The following EEFSEC variants were observed in gnomAD, a reference collection of about 807,000 sequenced individuals.
EEFSEC encodes eukaryotic elongation factor, selenocysteine-tRNA specific.
A neutral mutation model predicts 42.1 loss-of-function variants in EEFSEC; 43 were observed. That is an observed-to-expected ratio of 1.02 (90% CI 0.80 to 1.32). EEFSEC has a LOEUF of 1.32. Ranked by LOEUF, EEFSEC falls within the 40% of genes most tolerant of loss-of-function variation. The probability of loss-of-function intolerance (pLI) is 0.00; values close to 1 mark genes in which losing one functional copy is unlikely to be tolerated. For missense variants in EEFSEC, 745 were observed against 803.6 expected (o/e 0.93, Z 0.88); for synonymous variants, 354 against 339.1 (o/e 1.04, Z -0.48).
At chr3:128,382,038 GCCA>G (rs1336625396) in intron 6 of EEFSEC, among the ~76,000 whole-genome samples, 1 of 152,162 alleles carries the variant, frequency 6.6e-6, no homozygotes, top group African/African-American at 2.4e-5. Context: ...GTTCTGTGAA[GCCA>G]CTTCCCAGGT....
chr3:128,196,433 C>G (rs1382688684), intron 1 of EEFSEC, among the ~76,000 whole-genome samples: 1 of 152,108 alleles, frequency 6.6e-6, no homozygotes, highest in Non-Finnish European at 1.5e-5. Context: ...AATACAAAGT[C>G]ACTTTTTTCT....
intron 4 of EEFSEC, among the ~76,000 whole-genome samples, chr3:128,314,747 AC>A (rs1289521876): frequency 2.6e-5 from 4 of 151,938 alleles, no homozygotes; most frequent in Non-Finnish European, 5.9e-5. Flanking sequence ...TATCTATAAC[AC>A]CCCCACCCAC....
chr3:128,283,831 C>T (rs2066554997), intron 4 of EEFSEC, among the ~76,000 whole-genome samples: 1 of 152,210 alleles, frequency 6.6e-6, no homozygotes, highest in East Asian at 1.9e-4. Context: ...CCAACAAAGG[C>T]ATCCACACTG....
intron 1 of EEFSEC, among the ~76,000 whole-genome samples, chr3:128,219,304 T>G (rs529087252): frequency 2.6e-5 from 4 of 152,320 alleles, no homozygotes; most frequent in Non-Finnish European, 5.9e-5. Context: ...GAAACATCCA[T>G]CAGGGTTATA....
chr3:128,173,405 A>G (rs2065318315), intron 1 of EEFSEC, among the ~76,000 whole-genome samples: 1 of 152,192 alleles, frequency 6.6e-6, no homozygotes, highest in Non-Finnish European at 1.5e-5. Flanking sequence ...AATGCCTTGT[A>G]TACTCTGGGT....
chr3:128,351,987 C>G (rs1197569097), intron 5 of EEFSEC, among the ~76,000 whole-genome samples: 3 of 152,234 alleles, frequency 2.0e-5, no homozygotes, highest in Non-Finnish European at 4.4e-5. Context: ...TGATTGATTT[C>G]AAAATGAAAA....
chr3:128,278,093 C>G (rs2066487398), intron 4 of EEFSEC, among the ~76,000 whole-genome samples: 1 of 152,162 alleles, frequency 6.6e-6, no homozygotes, highest in Non-Finnish European at 1.5e-5. Context: ...TATGACGCAG[C>G]TGGTTTTGCA....
At chr3:128,218,780 A>C (rs1243792403) in intron 1 of EEFSEC, among the ~76,000 whole-genome samples, 1 of 152,046 alleles carries the variant, frequency 6.6e-6, no homozygotes, top group Non-Finnish European at 1.5e-5. Flanking sequence ...ACCATTTGCA[A>C]CTCTTAGCTT....
chr3:128,229,999 A>AT (rs1283325954), intron 1 of EEFSEC, among the ~76,000 whole-genome samples: 2 of 140,482 alleles, frequency 1.4e-5, no homozygotes, highest in African/African-American at 5.3e-5. Flanking sequence ...TCTTTCTTTT[A>AT]TTTTTTCTTT....
chr3:128,368,435 C>CA (rs1428054422), intron 6 of EEFSEC, among the ~76,000 whole-genome samples: 7 of 129,214 alleles, frequency 5.4e-5, no homozygotes, highest in African/African-American at 8.1e-5. Flanking sequence ...ACTCCATCTC[C>CA]AAAAAAAACA....
chr3:128,212,604 T>A (rs1304351184), intron 1 of EEFSEC, among the ~76,000 whole-genome samples: 1 of 152,224 alleles, frequency 6.6e-6, no homozygotes, highest in Non-Finnish European at 1.5e-5. Context: ...AGAACATTTG[T>A]TAAAAGCCCT....
In EEFSEC at chr3:128,317,348, G is replaced by A. The variant is rs958315178; in HGVS notation, c.787-23885G>A. Among the ~76,000 whole-genome samples the A allele has an allele frequency of 1.3e-5, 2 of 152,150 alleles. No homozygotes were observed. Among genetic ancestry groups the A allele is most frequent in the Non-Finnish European group, 2.9e-5 (2 of 68,014 alleles). On this transcript the variant is annotated intron_variant, in intron 4 of 6. Coordinates refer to ENST00000254730, the MANE Select transcript of EEFSEC (RefSeq NM_021937.5). The surrounding 1 kb of genome is among the most constrained non-coding windows in gnomAD (Gnocchi z 4.1). ...GACTTGTAAGCCTGGCCTGTTCTCCGCCCCGCTGCTGGAGCTCAGACGCTC... is the reference window on the plus strand; with the variant it reads ...GACTTGTAAGCCTGGCCTGTTCTCCACCCCGCTGCTGGAGCTCAGACGCTC...
intron 6 of EEFSEC, chr3:128,367,650 G>A: frequency 1.0e-6 from 1 of 985,416 alleles, no homozygotes; most frequent in Non-Finnish European, 1.2e-6. Context: ...TGCCGATTAT[G>A]GACTTATGTC....
intron 6 of EEFSEC, among the ~76,000 whole-genome samples, chr3:128,386,482 G>A (rs897435378): frequency 6.6e-5 from 10 of 151,296 alleles, no homozygotes; most frequent in African/African-American, 2.4e-4. Context: ...ACAGGCAGTG[G>A]GGGGGGGATG....
At chr3:128,311,515 C>T (rs532670599) in intron 4 of EEFSEC, among the ~76,000 whole-genome samples, 56 of 152,366 alleles carry the variant, frequency 3.7e-4, no homozygotes, top group Non-Finnish European at 6.6e-4. Flanking sequence ...CTTCAGGGCA[C>T]AGCTCCAAAC....
intron 1 of EEFSEC, among the ~76,000 whole-genome samples, chr3:128,207,949 G>T (rs547320949): frequency 1.3e-5 from 2 of 152,344 alleles, no homozygotes; most frequent in African/African-American, 4.8e-5. Context: ...GACAGGGGGT[G>T]CTAGGCTGTT....
chr3:128,260,496 A>G (rs2066286178), intron 2 of EEFSEC, among the ~76,000 whole-genome samples: 1 of 152,202 alleles, frequency 6.6e-6, no homozygotes, highest in African/African-American at 2.4e-5. Context: ...TCCCCCAGGG[A>G]AAAGGCTATT....
At chr3:128,260,127 A>AT (rs149121652) in intron 2 of EEFSEC, among the ~76,000 whole-genome samples, 2 of 151,598 alleles carry the variant, frequency 1.3e-5, no homozygotes, top group South Asian at 2.1e-4. Flanking sequence ...TGGTTGGTAG[A>AT]TTTTTTTTAT....
chr3:128,402,331 T>G (rs2068057676), intron 6 of EEFSEC, among the ~76,000 whole-genome samples: 1 of 152,196 alleles, frequency 6.6e-6, no homozygotes, highest in African/African-American at 2.4e-5. Context: ...ATAACATAGG[T>G]CTTTCTTTGT....
Sources: gnomAD v4.1 joint callset for allele counts (sites outside exome capture counted in the v4.1 genomes callset) on GRCh38, gnomAD v4.1.1 for gene constraint, Gnocchi (gnomAD v3.1) non-coding constraint, MANE v1.5 for transcripts, NCBI Gene and HGNC (gene_info 2026-07-23, HGNC 2026-07-21) for gene names.